ACAP2: variants seen among roughly 807,000 people sequenced by gnomAD.
ACAP2 encodes arf-GAP with coiled-coil, ANK repeat and PH domain-containing protein 2.
In ACAP2, 39 loss-of-function variants were observed where a neutral mutation model predicts 115.8. The ratio of observed to expected loss-of-function variants is 0.34; its 90% CI spans 0.26 to 0.44. ACAP2 has a LOEUF of 0.44. Ranked by LOEUF, ACAP2 falls within the 20% of genes least tolerant of loss-of-function variation. ACAP2 has a pLI of 1.00. For missense variants in ACAP2, 662 were observed against 927.6 expected, an observed-to-expected ratio of 0.71 and a Z score of 3.72; for synonymous variants, 289 against 315.8, an observed-to-expected ratio of 0.92 and a Z score of 0.90.
intron 1 of ACAP2, among the ~76,000 whole-genome samples, chr3:195,392,822 G>C (rs553986772): frequency 5.9e-5 from 9 of 152,274 alleles, no homozygotes; most frequent in Admixed American, 2.0e-4. Flanking sequence ...AAACAAAATA[G>C]CAGCAACTAA....
At chr3:195,353,081 A>G (rs927265554) in intron 4 of ACAP2, among the ~76,000 whole-genome samples, 1 of 67,278 alleles carries the variant, frequency 1.5e-5, no homozygotes, top group African/African-American at 7.2e-5. Context: ...CTCTGTCTTT[A>G]AAAAAAAAAA....
Position 195,301,641 on chromosome 3 carries a change from G to C in ACAP2, c.1329C>G (p.Ser443Arg). The C allele has an allele frequency of 6.2e-7, 1 of 1,612,392 alleles. No individual in the cohort carries two copies. The highest frequency in any genetic ancestry group is 8.5e-7 in the Non-Finnish European group (1 of 1,179,530). Residue 443 changes from serine (S) to arginine (R), a missense_variant, in exon 15 of 23, where the codon AGC (serine) becomes AGG (arginine). Transcript: ENST00000326793. ...GTACTTTTGAAAAATGAACCCCAAG[G>C]CTCCTAAGTGGAAAAAAGAAGACTG... ...LCIECSGIHR[S>R]LGVHFSKVRS...
intron 4 of ACAP2, among the ~76,000 whole-genome samples, chr3:195,366,418 T>C (rs541196022): frequency 6.6e-6 from 1 of 152,318 alleles, no homozygotes; most frequent in East Asian, 1.9e-4. Context: ...AATACACAGA[T>C]GTTGCAATAA....
chr3:195,289,306 G>T, intron 20 of ACAP2, 75 bp from the exon 21 acceptor site: 2 of 885,874 alleles, frequency 2.3e-6, no homozygotes, highest in Non-Finnish European at 3.6e-6. Flanking sequence ...AAAAAAAAAA[G>T]TACTACTTAA....
chr3:195,421,232 G>A (rs1036598916), intron 1 of ACAP2, among the ~76,000 whole-genome samples: 2 of 152,142 alleles, frequency 1.3e-5, no homozygotes, highest in Non-Finnish European at 2.9e-5. Context: ...ACCTCTAGAA[G>A]TTTTCATTCA....
intron 1 of ACAP2, among the ~76,000 whole-genome samples, chr3:195,406,837 T>A (rs1413906237): frequency 6.6e-6 from 1 of 152,162 alleles, no homozygotes; most frequent in Non-Finnish European, 1.5e-5. Context: ...TCCAAGGAAG[T>A]ATAAACTAAG....
chr3:195,355,989 C>A (rs776842953), intron 4 of ACAP2: 10 of 409,802 alleles, frequency 2.4e-5, no homozygotes, highest in Non-Finnish European at 4.5e-5. Context: ...GTCCTCCCTG[C>A]AGGAACACCA....
chr3:195,420,565 G>A (rs576475195), intron 1 of ACAP2, among the ~76,000 whole-genome samples: 16 of 152,052 alleles, frequency 1.1e-4, no homozygotes, highest in East Asian at 9.7e-4. Context: ...AGATGGTCTC[G>A]ATCTCCTGAC....
At chr3:195,385,366 T>C (rs1734231017) in intron 2 of ACAP2, among the ~76,000 whole-genome samples, 1 of 150,910 alleles carries the variant, frequency 6.6e-6, no homozygotes, top group South Asian at 2.1e-4. Context: ...TTTTGTTTTG[T>C]TTTACTAAGA....
chr3:195,351,129 T>TTTTTTTTTGG (rs75945777), intron 4 of ACAP2, among the ~76,000 whole-genome samples: 14 of 131,854 alleles, frequency 1.1e-4, no homozygotes, highest in South Asian at 2.6e-4. Context: ...TTTTTTTTTT[T>TTTTTTTTTGG]GGGCGGGGGA....
At chr3:195,392,190 A>C in intron 1 of ACAP2, 43 bp from the exon 2 acceptor site, 1 of 1,482,568 alleles carries the variant, frequency 6.7e-7, no homozygotes. Context: ...GTTTGTTTAA[A>C]TGTACACTTT....
At chr3:195,303,266 A>T (rs1377325682) in intron 13 of ACAP2, among the ~76,000 whole-genome samples, 1 of 151,228 alleles carries the variant, frequency 6.6e-6, no homozygotes, top group African/African-American at 2.4e-5. Context: ...CAAATTAGCT[A>T]GGCATGGTGA....
At chr3:195,357,293 A>C (rs1732037385) in intron 4 of ACAP2, among the ~76,000 whole-genome samples, 2 of 152,086 alleles carry the variant, frequency 1.3e-5, no homozygotes. Context: ...GTACCAGCTT[A>C]AACATAGTTG....
At chr3:195,293,024 T>C (rs1040151822) in intron 18 of ACAP2, among the ~76,000 whole-genome samples, 11 of 151,878 alleles carry the variant, frequency 7.2e-5, no homozygotes, top group African/African-American at 2.7e-4. Context: ...TAATCTATCA[T>C]AATGAGCTTA....
intron 21 of ACAP2, 39 bp from the exon 22 acceptor site, chr3:195,285,896 T>G: frequency 7.0e-7 from 1 of 1,423,118 alleles, no homozygotes; most frequent in Non-Finnish European, 9.7e-7. Context: ...TGACATTATA[T>G]AATATAAATG....
chr3:195,413,937 T>G (rs1240788622), intron 1 of ACAP2, among the ~76,000 whole-genome samples: 1 of 150,680 alleles, frequency 6.6e-6, no homozygotes, highest in Non-Finnish European at 1.5e-5. Flanking sequence ...ACTGTATCAC[T>G]ACGCTGCAGC....
At chr3:195,289,461 T>C (rs562286542) in intron 20 of ACAP2, among the ~76,000 whole-genome samples, 2 of 151,974 alleles carry the variant, frequency 1.3e-5, no homozygotes, top group African/African-American at 2.4e-5. Flanking sequence ...TGGTGCTATA[T>C]AGATAGCATG....
At chr3:195,389,645 T>C (rs999131244) in intron 2 of ACAP2, among the ~76,000 whole-genome samples, 8 of 152,100 alleles carry the variant, frequency 5.3e-5, no homozygotes, top group African/African-American at 1.9e-4. Flanking sequence ...TTTTAAAGAG[T>C]ACTTGAAAAT....
intron 1 of ACAP2, among the ~76,000 whole-genome samples, chr3:195,407,201 A>C (rs1258608302): frequency 3.1e-5 from 1 of 32,334 alleles, no homozygotes; most frequent in African/African-American, 2.7e-4. Context: ...TTTTTAGTTT[A>C]AAAAAAAAAA....
Sources: allele counts gnomAD v4.1 joint callset (sites outside exome capture counted in the v4.1 genomes callset), GRCh38; gene constraint gnomAD v4.1.1; transcripts MANE v1.5; gene names NCBI Gene and HGNC (gene_info 2026-07-23, HGNC 2026-07-21).